LDB3: variants seen among roughly 807,000 people sequenced by gnomAD.
LDB3 encodes LIM domain-binding protein 3.
In LDB3, 49 loss-of-function variants were observed where a neutral mutation model predicts 69.0. That is an observed-to-expected ratio of 0.71 (90% CI 0.56 to 0.90). The LOEUF is 0.90. Among genes scored for constraint, LDB3 ranks in the 40% least tolerant of loss-of-function variants. The pLI, the probability that LDB3 is intolerant of heterozygous loss-of-function variation, is 0.00. For synonymous variants in LDB3, 387 were observed against 396.2 expected (o/e 0.98, Z 0.28); for missense variants, 928 against 974.1 (o/e 0.95, Z 0.63).
intron 12 of LDB3, among the ~76,000 whole-genome samples, chr10:86,721,249 T>G (rs1309906675): frequency 3.3e-5 from 5 of 152,252 alleles, no homozygotes; most frequent in Non-Finnish European, 5.9e-5. Context: ...TTTTCTGTTT[T>G]TTAAAAAATA....
At chr10:86,688,050 C>CGTGTGTGTGTGTGTGTGT (rs71487273) in intron 5 of LDB3, among the ~76,000 whole-genome samples, 23 of 103,018 alleles carry the variant, frequency 2.2e-4, no homozygotes, top group Non-Finnish European at 1.6e-4. Flanking sequence ...CCCCGACCCT[C>CGTGTGTGTGTGTGTGTGT]GTGTGTGTGT....
chr10:86,706,496 C>T, intron 7 of LDB3, 35 bp from the exon 8 acceptor site: 1 of 1,608,428 alleles, frequency 6.2e-7, no homozygotes, highest in African/African-American at 1.3e-5. Context: ...TCTAGGCTCC[C>T]TTGACCTGTT....
intron 7 of LDB3, 65 bp from the exon 8 acceptor site, chr10:86,706,464 TGC>T: frequency 6.4e-7 from 1 of 1,560,968 alleles, no homozygotes; most frequent in Non-Finnish European, 8.8e-7. Flanking sequence ...CCTGCCCCCA[TGC>T]AGAGGGGCCT....
chr10:86,710,061 G>A lies in LDB3; in HGVS notation c.1231+11G>A. The A allele has an allele frequency of 6.2e-7, 1 of 1,612,106 alleles. No individual in the cohort carries two copies. The highest frequency in any genetic ancestry group is 8.5e-7 in the Non-Finnish European group (1 of 1,179,932). Reference sequence around the variant, plus strand: ...CTGTCTACCAGCCAGGTAAGAGGCAGAGCAGGAGGGGAGGCTGTCGAAAGC... The same window carrying A: ...CTGTCTACCAGCCAGGTAAGAGGCAAAGCAGGAGGGGAGGCTGTCGAAAGC... On this transcript the variant is annotated intron_variant, in intron 9 of 13. Coordinates refer to ENST00000361373, the MANE Select transcript of LDB3 (RefSeq NM_007078.3).
chr10:86,699,793 T>A lies in LDB3; in HGVS notation c.897-6738T>A. 9.5e-7 allele frequency: 1 copy of A among 1,051,370 alleles called. No homozygotes were observed. Among genetic ancestry groups the A allele is most frequent in the Non-Finnish European group, 1.2e-6 (1 of 869,314 alleles). The allele number at this position is 1,051,370 out of a possible 1,614,324, so 65.1% of individuals were successfully genotyped here. ...CCTCCTAGAATGAGTCACCCGTAGA[T>A]CAGGGTCTGGGGAAGAGGCTGATCC... is the stretch of plus-strand genomic sequence containing the variant. On this transcript the variant is annotated intron_variant, in intron 7 of 13. Transcript: ENST00000361373. The surrounding 1 kb of genome is among the most constrained non-coding windows in gnomAD (Gnocchi z 4.9).
Position 86,668,844 on chromosome 10 carries a change from T to C in LDB3, c.93+60T>C, listed in dbSNP as rs916303779. 7 of 1,256,462 alleles carry C rather than the reference T, an allele frequency of 5.6e-6. No individual in the cohort carries two copies. In the African/African-American group the frequency reaches 1.0e-4, roughly 19 times the overall value. 77.8% of individuals were successfully genotyped at this position (1,256,462 alleles called of 1,614,324 possible). Reference sequence around the variant, plus strand: ...GGGCAGGCACGCTTGGAGGAGGGCATGTGTGTCCGTCTGTCTGTCTGTCCT... The same window carrying C: ...GGGCAGGCACGCTTGGAGGAGGGCACGTGTGTCCGTCTGTCTGTCTGTCCT... On this transcript the variant is annotated intron_variant, in intron 2 of 13. Coordinates refer to ENST00000361373, the MANE Select transcript of LDB3 (RefSeq NM_007078.3).
intron 9 of LDB3, among the ~76,000 whole-genome samples, chr10:86,715,338 C>T (rs1846827911): frequency 6.6e-6 from 1 of 152,108 alleles, no homozygotes; most frequent in Admixed American, 6.5e-5. Context: ...TCTGGAACCT[C>T]ACTCACTGGA....
rs45555240 is a variant in LDB3, at chr10:86,706,675, C to A, written c.1041C>A (p.Ser347=). Reference sequence around the variant, plus strand: ...CTGCTGCCCACACTGCCATCGCCTCCGCCTCCACCACAGCCCCTGCTTCAA... The same window carrying A: ...CTGCTGCCCACACTGCCATCGCCTCAGCCTCCACCACAGCCCCTGCTTCAA... The part of the protein sequence containing the change: ...ATAAAHTAIA[S]ASTTAPASSP... The change falls in exon 8 of 14, where the codon TCC becomes TCA. Residue 347 remains serine, a synonymous_variant. Coordinates refer to ENST00000361373, the MANE Select transcript of LDB3 (RefSeq NM_007078.3). The A allele has an allele frequency of 9.4e-3, 15,119 of 1,612,904 alleles. 1,106 individuals are homozygous for A. The African/African-American group carries it at 0.16, about 17-fold the overall frequency.
intron 9 of LDB3, among the ~76,000 whole-genome samples, chr10:86,714,821 T>G (rs1258041444): frequency 6.6e-6 from 1 of 152,180 alleles, no homozygotes; most frequent in Non-Finnish European, 1.5e-5. Context: ...CCTCCCAAAG[T>G]GCTGGGATTA....
chr10:86,712,799 G>A (rs899539703), intron 9 of LDB3, among the ~76,000 whole-genome samples: 3 of 152,192 alleles, frequency 2.0e-5, no homozygotes, highest in Non-Finnish European at 4.4e-5. Flanking sequence ...AGTGGCTCAC[G>A]CCAGTAATCC....
chr10:86,676,788 G>A (rs1683131373), intron 2 of LDB3, among the ~76,000 whole-genome samples: 1 of 152,222 alleles, frequency 6.6e-6, no homozygotes, highest in African/African-American at 2.4e-5. Flanking sequence ...GGACACTGGT[G>A]ACTGGTGACT....
chr10:86,678,755 C>A (rs1253849931), intron 2 of LDB3, among the ~76,000 whole-genome samples: 1 of 152,190 alleles, frequency 6.6e-6, no homozygotes, highest in East Asian at 1.9e-4. Context: ...ACCCTCTCAC[C>A]TGCCTCCTGA....
chr10:86,709,378 G>C (rs999834251), intron 8 of LDB3, among the ~76,000 whole-genome samples: 5 of 152,164 alleles, frequency 3.3e-5, no homozygotes, highest in African/African-American at 1.2e-4. Flanking sequence ...GTGTGTGTTG[G>C]GGGAGAGGGG....
In LDB3 at chr10:86,720,830, A is replaced by G. The variant is rs1847057481; in HGVS notation, c.1978+1983A>G. 2.0e-5 allele frequency among the ~76,000 whole-genome samples: 3 copies of G among 152,330 alleles called. No individual in the cohort carries two copies. In the South Asian group the frequency reaches 6.2e-4, roughly 32 times the overall value. On this transcript the variant is annotated intron_variant, in intron 12 of 13. Transcript: ENST00000361373. Reference sequence around the variant, plus strand: ...CAAAAATGATGTTTTGAGTAAGAAGATCCAGGAAGAAGACGGTCTAGTGTT... The same window carrying G: ...CAAAAATGATGTTTTGAGTAAGAAGGTCCAGGAAGAAGACGGTCTAGTGTT...
At chr10:86,709,791 C>T in intron 8 of LDB3, 114 bp from the exon 9 acceptor site, 3 of 1,133,972 alleles carry the variant, frequency 2.6e-6, no homozygotes, top group Non-Finnish European at 3.9e-6. Flanking sequence ...CCAGAAATGT[C>T]TCTGTCAGGT....
At chr10:86,705,453 T>C (rs1371614583) in intron 7 of LDB3, among the ~76,000 whole-genome samples, 1 of 152,226 alleles carries the variant, frequency 6.6e-6, no homozygotes, top group Non-Finnish European at 1.5e-5. Context: ...GAGTAAAGAA[T>C]GTGCATTTCT....
rs200462775 is a variant in LDB3, at chr10:86,687,189, C to T, written c.690-4707C>T. On this transcript the variant is annotated intron_variant, in intron 5 of 13. Coordinates refer to ENST00000361373, the MANE Select transcript of LDB3 (RefSeq NM_007078.3). ...CCACCATCATCCATGCGCAGTACAA[C>T]ACGCCCATCAGCATGTATTCCCAGG... is the stretch of plus-strand genomic sequence containing the variant. 29 of 1,614,250 alleles carry T rather than the reference C, an allele frequency of 1.8e-5. No individual in the cohort carries two copies. The East Asian group carries it at 6.0e-4, about 33-fold the overall frequency.
At chr10:86,729,156 A>G (rs1044963302) in intron 13 of LDB3, among the ~76,000 whole-genome samples, 21 of 152,150 alleles carry the variant, frequency 1.4e-4, no homozygotes, top group African/African-American at 4.8e-4. Context: ...TGGGCAGTAC[A>G]AGAGTGTTCC....
intron 5 of LDB3, chr10:86,685,841 C>T (rs1330371293): frequency 3.0e-6 from 3 of 994,624 alleles, no homozygotes; most frequent in Admixed American, 3.4e-5. Flanking sequence ...ACTTGTACCC[C>T]TGGGTGAGCC....
Sources: gnomAD v4.1 joint callset for allele counts (sites outside exome capture counted in the v4.1 genomes callset) on GRCh38, gnomAD v4.1.1 for gene constraint, Gnocchi (gnomAD v3.1) non-coding constraint, MANE v1.5 for transcripts, NCBI Gene and HGNC (gene_info 2026-07-23, HGNC 2026-07-21) for gene names.